Variants in ANXA7 observed in about 807,000 individuals in gnomAD.
ANXA7 encodes the protein annexin VII.
A neutral mutation model predicts 64.9 loss-of-function variants in ANXA7; 55 were observed. The ratio of observed to expected loss-of-function variants is 0.85; its 90% CI spans 0.68 to 1.06. ANXA7 has a LOEUF of 1.06. Among genes scored for constraint, ANXA7 ranks in the 50% least tolerant of loss-of-function variants. The pLI, the probability that ANXA7 is intolerant of heterozygous loss-of-function variation, is 0.00. For missense variants in ANXA7, 548 were observed against 582.1 expected, an observed-to-expected ratio of 0.94 and a Z score of 0.60; for synonymous variants, 200 against 192.4, an observed-to-expected ratio of 1.04 and a Z score of -0.33.
chr10:73,413,435 A>T (rs74147521), intron 1 of ANXA7, among the ~76,000 whole-genome samples: 3,787 of 152,294 alleles, frequency 0.025, 172 homozygotes, highest in African/African-American at 0.085. Flanking sequence ...GTGTTTGCAC[A>T]GGATGAGCTA....
intron 1 of ANXA7, among the ~76,000 whole-genome samples, chr10:73,403,494 A>C (rs537945348): frequency 1.3e-5 from 2 of 152,318 alleles, no homozygotes; most frequent in East Asian, 1.9e-4. Context: ...TCTCTTAAAA[A>C]AAAACAAAAC....
chr10:73,397,656 C>A (rs2055597766), intron 3 of ANXA7, among the ~76,000 whole-genome samples: 1 of 152,120 alleles, frequency 6.6e-6, no homozygotes, highest in South Asian at 2.1e-4. Flanking sequence ...CAGGGTTTCA[C>A]CATGTTGGCC....
chr10:73,398,425 G>A, intron 2 of ANXA7, 40 bp from the exon 3 acceptor site: 1 of 1,537,692 alleles, frequency 6.5e-7, no homozygotes, highest in Non-Finnish European at 8.9e-7. Context: ...TACGATCATA[G>A]AGAAATATGA....
rs757866877 is a variant in ANXA7 at position 73,395,277 on chromosome 10, T to G, written c.435+1242A>C. ...CAGGAAAGTGAGCTAAAAAAATCAC[T>G]AAGATGTTTCTCTTCCAATACTAGA... On this transcript the variant is annotated intron_variant, in intron 5 of 12. Coordinates refer to ENST00000372921, the MANE Select transcript of ANXA7 (RefSeq NM_001156.5). 3.3e-5 allele frequency among the ~76,000 whole-genome samples: 5 copies of G among 152,242 alleles called. 1 individual carries two copies. The highest frequency in any genetic ancestry group is 6.8e-3 in the Middle Eastern group (2 of 294).
chr10:73,385,672 G>C (rs1041137346), intron 7 of ANXA7, among the ~76,000 whole-genome samples: 2 of 152,080 alleles, frequency 1.3e-5, no homozygotes, highest in African/African-American at 4.8e-5. Flanking sequence ...AAAAAAACTT[G>C]AGACAGCATT....
intron 1 of ANXA7, among the ~76,000 whole-genome samples, chr10:73,411,669 TGATC>T (rs1421179080): frequency 6.6e-6 from 1 of 152,078 alleles, no homozygotes; most frequent in Non-Finnish European, 1.5e-5. Context: ...TGACCTCAGG[TGATC>T]CACCCACCTC....
intron 1 of ANXA7, among the ~76,000 whole-genome samples, chr10:73,412,267 C>G (rs2055856264): frequency 6.6e-6 from 1 of 151,740 alleles, no homozygotes; most frequent in Non-Finnish European, 1.5e-5. Context: ...GATCTCCTGA[C>G]CTCGTGATCC....
rs768222081 is a variant in ANXA7 at position 73,380,230 on chromosome 10, G to T, written c.919-29C>A. The stretch of plus-strand genomic sequence containing the variant: ...CAAAAGAGAAAGGCAGGAATTGGAA[G>T]AAATAAATAATAGTTCTACTAAATT... On this transcript the variant is annotated intron_variant, in intron 9 of 12. Transcript: ENST00000372921. The T allele has an allele frequency of 5.7e-6, 9 of 1,584,966 alleles. No individual in the cohort carries two copies. In the East Asian group the frequency reaches 1.3e-4, roughly 24 times the overall value.
chr10:73,398,656 C>G (rs1209700891), intron 2 of ANXA7, among the ~76,000 whole-genome samples: 1 of 151,360 alleles, frequency 6.6e-6, no homozygotes, highest in African/African-American at 2.4e-5. Context: ...GGATTCTTTA[C>G]AAACCTCAAG....
intron 1 of ANXA7, among the ~76,000 whole-genome samples, chr10:73,401,940 T>C (rs980707068): frequency 2.0e-5 from 3 of 152,238 alleles, no homozygotes; most frequent in Non-Finnish European, 4.4e-5. Context: ...GTTAAAAGTA[T>C]GCTTATCATC....
At chr10:73,400,506 G>A (rs1039925364) in intron 2 of ANXA7, among the ~76,000 whole-genome samples, 2 of 152,112 alleles carry the variant, frequency 1.3e-5, no homozygotes, top group African/African-American at 4.8e-5. Flanking sequence ...GAACCTTTGG[G>A]CAATTTCACA....
intron 5 of ANXA7, among the ~76,000 whole-genome samples, chr10:73,394,304 G>A (rs537216414): frequency 7.9e-5 from 12 of 152,140 alleles, no homozygotes; most frequent in Non-Finnish European, 1.6e-4. Context: ...ACAGTGTGGC[G>A]ATTCCTCAAG....
chr10:73,392,847 G>T (rs1219689293), intron 5 of ANXA7, among the ~76,000 whole-genome samples: 1 of 152,030 alleles, frequency 6.6e-6, no homozygotes, highest in African/African-American at 2.4e-5. Context: ...GGAAGTTCTG[G>T]CCAGGGCAAT....
At chr10:73,385,364 T>C (rs997461499) in intron 7 of ANXA7, among the ~76,000 whole-genome samples, 1 of 152,218 alleles carries the variant, frequency 6.6e-6, no homozygotes, top group African/African-American at 2.4e-5. Flanking sequence ...CTGGAATATT[T>C]AGTTAAGAGG....
rs548743609 is a variant in ANXA7 at position 73,396,201 on chromosome 10, C to T, written c.435+318G>A. 1.1e-5 allele frequency: 9 copies of T among 835,820 alleles called. No individual in the cohort carries two copies. The Admixed American group carries it at 1.6e-4, about 15-fold the overall frequency. 51.8% of individuals were successfully genotyped at this position (835,820 alleles called of 1,614,324 possible). On this transcript the variant is annotated intron_variant, in intron 5 of 12. Transcript: ENST00000372921. ...TCAGAAATACCAATCACCCAGCCAC[C>T]CAAATTCATAGGTGTAACTGCTGGT...
chr10:73,375,377 C>T lies in ANXA7; in HGVS notation c.*718G>A, dbSNP rs1006432121. The T allele has an allele frequency of 6.6e-6, 1 of 152,068 alleles. No homozygotes were observed. Among genetic ancestry groups the T allele is most frequent in the Non-Finnish European group, 1.5e-5 (1 of 68,002 alleles). 9.4% of individuals were successfully genotyped at this position (152,068 alleles called of 1,614,324 possible). ...TCAAGGTGACAGATACGTAATTAGC[C>T]TGACCTTAATTGTGGAATCATTACA... On this transcript the variant is annotated 3_prime_UTR_variant, in exon 13 of 13. Coordinates refer to ENST00000372921, the MANE Select transcript of ANXA7 (RefSeq NM_001156.5).
chr10:73,390,111 C>T (rs1382401118), intron 5 of ANXA7, among the ~76,000 whole-genome samples: 1 of 152,212 alleles, frequency 6.6e-6, no homozygotes, highest in African/African-American at 2.4e-5. Context: ...CATATACACA[C>T]ACACAGTTTA....
intron 5 of ANXA7, among the ~76,000 whole-genome samples, chr10:73,395,560 G>A (rs572458512): frequency 2.6e-5 from 4 of 152,254 alleles, no homozygotes; most frequent in Admixed American, 2.6e-4. Context: ...GAGGCAGGTG[G>A]ATCACCTGAG....
At chr10:73,376,673 G>A (rs2055175300) in intron 12 of ANXA7, among the ~76,000 whole-genome samples, 1 of 151,944 alleles carries the variant, frequency 6.6e-6, no homozygotes, top group African/African-American at 2.4e-5. Context: ...CCACTTCTGG[G>A]TATATTCAAA....
Sources: allele counts gnomAD v4.1 joint callset (sites outside exome capture counted in the v4.1 genomes callset), GRCh38; gene constraint gnomAD v4.1.1; transcripts MANE v1.5; gene names NCBI Gene and HGNC (gene_info 2026-07-23, HGNC 2026-07-21).